IL17RE: variants seen among roughly 807,000 people sequenced by gnomAD.
IL17RE encodes the protein interleukin 17 receptor E, also known as interleukin-17 receptor E.
In IL17RE, 47 loss-of-function variants were observed where a neutral mutation model predicts 70.7. That is an observed-to-expected ratio of 0.67 (90% CI 0.53 to 0.85). The LOEUF is 0.85. Ranked by LOEUF, IL17RE falls within the 40% of genes least tolerant of loss-of-function variation. IL17RE has a pLI of 0.00. For missense variants in IL17RE, 850 were observed against 893.9 expected (o/e 0.95, Z 0.63); for synonymous variants, 372 against 381.2 (o/e 0.98, Z 0.28).
intron 1 of IL17RE, 44 bp downstream of exon 1, chr3:9,903,108 A>G: frequency 1.9e-6 from 3 of 1,548,840 alleles, no homozygotes; most frequent in East Asian, 2.2e-5. Context: ...TGGCACAGCC[A>G]TAAAGCTCCC....
chr3:9,914,059 CT>C (rs774904273), intron 13 of IL17RE, 35 bp downstream of exon 13: 8 of 1,531,700 alleles, frequency 5.2e-6, no homozygotes, highest in Middle Eastern at 1.7e-4. Context: ...CATACAGAGC[CT>C]TGGCATCTGC....
intron 3 of IL17RE, among the ~76,000 whole-genome samples, chr3:9,905,559 G>T (rs1442580775): frequency 1.3e-5 from 2 of 152,096 alleles, no homozygotes; most frequent in Non-Finnish European, 2.9e-5. Context: ...GGTGGCTCAC[G>T]CCTGTAATCC....
intron 7 of IL17RE, 89 bp downstream of exon 7, chr3:9,908,396 T>C: frequency 8.6e-7 from 1 of 1,169,150 alleles, no homozygotes; most frequent in Non-Finnish European, 1.3e-6. Context: ...TCCAGTAAAT[T>C]GGGTTTAAAA....
At chr3:9,909,354 T>TACACAC (rs142612801) in intron 8 of IL17RE, 71 bp downstream of exon 8, 4 of 1,104,870 alleles carry the variant, frequency 3.6e-6, no homozygotes, top group African/African-American at 1.9e-5. Context: ...CACACACATG[T>TACACAC]ACACACACAC....
rs111889619 is a variant in IL17RE at position 9,914,497 on chromosome 3, C to G, written c.1297-51C>G. ...CAGCTCCATGCTTCACTCAGCTCCC[C>G]GGGAGGAGAAGATGCCTGGCTCATA... On this transcript the variant is annotated intron_variant, in intron 13 of 15. Coordinates refer to ENST00000383814, the MANE Select transcript of IL17RE (RefSeq NM_153480.2). 5.0e-6 allele frequency: 8 copies of G among 1,609,426 alleles called. No homozygotes were observed. In the East Asian group the frequency reaches 1.8e-4, roughly 36 times the overall value.
intron 8 of IL17RE, chr3:9,910,383 A>G (rs58775001): frequency 0.021 from 3,304 of 157,730 alleles, 116 homozygotes; most frequent in African/African-American, 0.076. Context: ...AAAAACAAAA[A>G]ACAGAAAGGT....
chr3:9,915,818 A>G lies in IL17RE; in HGVS notation c.*11A>G, dbSNP rs769307410. On this transcript the variant is annotated 3_prime_UTR_variant, in exon 16 of 16. Transcript: ENST00000383814. This position sits in a 1 kb window ranked among gnomAD's most constrained non-coding sequence, Gnocchi z 4.9. ...GCAGACCTAGGTTGAGCAGAGCTCC[A>G]CCGCAGTCCCGGGTGTCTGCGGCCG... The G allele has an allele frequency of 6.5e-5, 98 of 1,501,476 alleles. No homozygotes were observed. Among genetic ancestry groups the G allele is most frequent in the Non-Finnish European group, 8.0e-5 (91 of 1,138,416 alleles). The allele number at this position is 1,501,476 out of a possible 1,614,324, so 93.0% of individuals were successfully genotyped here. A position where few individuals can be genotyped will look rare whatever the true frequency, so the allele number is the denominator to read the frequency against.
chr3:9,912,210 A>G (rs279569), intron 12 of IL17RE, among the ~76,000 whole-genome samples: 82,322 of 151,954 alleles, frequency 0.54, 23,132 homozygotes, highest in African/African-American at 0.62. Context: ...CTGATGATCT[A>G]AGGTGGTTTC....
At chr3:9,914,469 C>T (rs773667960) in intron 13 of IL17RE, 79 bp from the exon 14 acceptor site, 2 of 1,591,332 alleles carry the variant, frequency 1.3e-6, no homozygotes, top group Non-Finnish European at 1.7e-6. Context: ...CTCCCCTCTC[C>T]CCCAGCTCCA....
At chr3:9,909,642 A>C in intron 8 of IL17RE, 1 of 236,430 alleles carries the variant, frequency 4.2e-6, no homozygotes. Context: ...GTAAAATCTC[A>C]ATACCTGCTC....
At chr3:9,902,832 G>T, upstream of IL17RE, 1 of 1,598,338 alleles carries the variant, frequency 6.3e-7, no homozygotes, top group African/African-American at 1.3e-5. Context: ...CTGGGGCGAG[G>T]GCTCCTGCTG....
At chr3:9,914,425 A>T in intron 13 of IL17RE, 123 bp from the exon 14 acceptor site, 1 of 1,527,660 alleles carries the variant, frequency 6.5e-7, no homozygotes, top group South Asian at 1.3e-5. Flanking sequence ...GCAGACACAA[A>T]CCCACCTGGG....
rs368250337 is a variant in IL17RE, at chr3:9,914,762, C to T, written c.1432C>T (p.Arg478Trp). 44 of 1,613,680 alleles carry T rather than the reference C, an allele frequency of 2.7e-5. No individual in the cohort carries two copies. Among genetic ancestry groups the T allele is most frequent in the South Asian group, 1.2e-4 (11 of 91,082 alleles). Residue 478 changes from arginine to tryptophan, a missense_variant, in exon 15 of 16, where the codon CGG becomes TGG. By Grantham distance (101) the Arg-to-Trp change is moderately radical. Transcript: ENST00000383814. Reference sequence around the variant, plus strand: ...GGGTGTTGTTCTGGCCCTCACCTGCCGGCGCCCACAGTCAGGTAAGCTCAC... The same window carrying T: ...GGGTGTTGTTCTGGCCCTCACCTGCTGGCGCCCACAGTCAGGTAAGCTCAC... Reference protein sequence around the residue: ...LLGVVLALTCRRPQSGPGPAR... With the variant: ...LLGVVLALTCWRPQSGPGPAR...
chr3:9,912,770 G>A (rs186839100), intron 12 of IL17RE, among the ~76,000 whole-genome samples: 188 of 152,346 alleles, frequency 1.2e-3, no homozygotes, highest in African/African-American at 4.2e-3. Context: ...AGTCCCAGCT[G>A]AGGTGGGAGA....
intron 8 of IL17RE, 54 bp from the exon 9 acceptor site, chr3:9,910,811 A>T: frequency 6.5e-7 from 1 of 1,543,840 alleles, no homozygotes; most frequent in Non-Finnish European, 8.8e-7. Context: ...GTGGGTGGCA[A>T]GGTGGGGCTG....
At position 9,911,585 on chromosome 3, in the gene IL17RE, C is replaced by T; in HGVS notation, c.1215C>T (p.Tyr405=). The stretch of plus-strand genomic sequence containing the variant: ...AGGACACTTTGGTGCCCCCCGTGTA[C>T]ACTGTCAGCCAGGTATGGCCTCGCC... The part of the protein sequence containing the change: ...LGQDTLVPPV[Y]TVSQARGSSP... The change falls in exon 12 of 16, where the codon TAC becomes TAT. Residue 405 remains tyrosine (Y), a synonymous_variant. Transcript: ENST00000383814. 2 of 1,612,634 alleles carry T rather than the reference C, an allele frequency of 1.2e-6. No individual in the cohort carries two copies. The highest frequency in any genetic ancestry group is 1.7e-6 in the Non-Finnish European group (2 of 1,178,716).
chr3:9,911,448 C>G lies in IL17RE; in HGVS notation c.1078C>G (p.Leu360Val), dbSNP rs1172448796. Residue 360 changes from leucine to valine, a missense_variant, in exon 12 of 16, where the codon CTC becomes GTC. Leu to Val is a conservative substitution (Grantham distance 32). Coordinates refer to ENST00000383814, the MANE Select transcript of IL17RE (RefSeq NM_153480.2). ...CCCCACCCCGCCCCAAACAGGGTCT[C>G]TCACATCCTGGAATGTAAGCATGGA... ...HVECPHQTGSLTSWNVSMDTQ... is the reference protein window; with the variant it reads ...HVECPHQTGSVTSWNVSMDTQ... 3 of 1,614,030 alleles carry G rather than the reference C, an allele frequency of 1.9e-6. No individual in the cohort carries two copies. The highest frequency in any genetic ancestry group is 2.5e-6 in the Non-Finnish European group (3 of 1,180,012).
intron 15 of IL17RE, among the ~76,000 whole-genome samples, 196 bp downstream of exon 15, chr3:9,914,973 A>T (rs1262761487): frequency 6.6e-6 from 1 of 152,216 alleles, no homozygotes; most frequent in Non-Finnish European, 1.5e-5. Flanking sequence ...CACTGTACTG[A>T]GTCTCTGTAC....
Position 9,911,173 on chromosome 3 carries a change from A to T in IL17RE, c.1025A>T (p.Lys342Met). ...GACCTGCACCCCCAGCTCTGCTTCA[A>T]GGTACAACCATGGGTAAGAAAAGAT... is the stretch of plus-strand genomic sequence containing the variant. ...KVDLHPQLCF[K>M]FSFGNSSHVE... is the part of the protein sequence containing the mutation. Residue 342 changes from lysine (K) to methionine (M), a missense_variant and splice_region_variant, in exon 10 of 16, where the codon AAG becomes ATG. By Grantham distance (95) the Lys-to-Met change is moderately conservative. Coordinates refer to ENST00000383814, the MANE Select transcript of IL17RE (RefSeq NM_153480.2). 1 of 1,614,230 alleles carries T rather than the reference A, an allele frequency of 6.2e-7. No individual in the cohort carries two copies. Among genetic ancestry groups the T allele is most frequent in the Non-Finnish European group, 8.5e-7 (1 of 1,180,040 alleles).
Sources: gnomAD v4.1 joint callset for allele counts (sites outside exome capture counted in the v4.1 genomes callset) on GRCh38, gnomAD v4.1.1 for gene constraint, Gnocchi (gnomAD v3.1) non-coding constraint, MANE v1.5 for transcripts, NCBI Gene and HGNC (gene_info 2026-07-23, HGNC 2026-07-21) for gene names.